The following ERICH1 variants were observed in gnomAD, a reference collection of about 807,000 sequenced individuals.
ERICH1 encodes glutamate-rich protein 1.
Under a neutral mutation model 39.6 loss-of-function variants are expected in ERICH1, and 56 were observed. The observed-to-expected ratio is 1.41, with a 90% CI of 1.14 to 1.77. The LOEUF (loss-of-function observed/expected upper bound fraction) is 1.77, where lower values mean the gene tolerates loss of function less well. Ranked by LOEUF, ERICH1 falls within the 40% of genes most tolerant of loss-of-function variation. ERICH1 has a pLI of 0.00. For missense variants in ERICH1, 826 were observed against 575.4 expected, an observed-to-expected ratio of 1.44 and a Z score of -4.45; for synonymous variants, 313 against 223.6, an observed-to-expected ratio of 1.40 and a Z score of -3.57.
chr8:654,420 A>AG (rs1485951015), intron 3 of ERICH1, among the ~76,000 whole-genome samples: 1 of 151,808 alleles, frequency 6.6e-6, no homozygotes, highest in African/African-American at 2.4e-5. Flanking sequence ...GGCCTCCTCG[A>AG]GGGGCTACGG....
chr8:616,180 C>A, intron 3 of ERICH1: 2 of 214,250 alleles, frequency 9.3e-6, no homozygotes, highest in East Asian at 1.3e-4. Flanking sequence ...AAGGGTACAC[C>A]TTAAAGAAAT....
At chr8:628,302 C>T (rs1001613388) in intron 3 of ERICH1, among the ~76,000 whole-genome samples, 1 of 152,232 alleles carries the variant, frequency 6.6e-6, no homozygotes, top group African/African-American at 2.4e-5. Context: ...TGTGGGTGGA[C>T]CTGCATCCCA....
At chr8:729,967 T>A (rs1245219924) in intron 1 of ERICH1, among the ~76,000 whole-genome samples, 1 of 152,108 alleles carries the variant, frequency 6.6e-6, no homozygotes, top group Non-Finnish European at 1.5e-5. Flanking sequence ...AAACCTGCAG[T>A]AGCAAGAAGC....
At position 676,743 on chromosome 8, in the gene ERICH1, C is replaced by T. The variant is rs566996051; in HGVS notation, c.305-2696G>A. ...TGTGCCACGGCCGGCACACGGCTCC[C>T]GGGTGTTGCCCGAGCAGACCTAGAA... On this transcript the variant is annotated intron_variant, in intron 3 of 5. Transcript: ENST00000262109. Among the ~76,000 whole-genome samples the T allele has an allele frequency of 1.4e-4, 21 of 152,360 alleles. No homozygotes were observed. The South Asian group carries it at 4.1e-3, about 30-fold the overall frequency.
At chr8:721,051 G>A (rs1442619900) in intron 1 of ERICH1, among the ~76,000 whole-genome samples, 3 of 152,194 alleles carry the variant, frequency 2.0e-5, no homozygotes, top group Non-Finnish European at 4.4e-5. Flanking sequence ...AAAGTGTCCT[G>A]TAAACAGGCA....
At chr8:680,454 A>T (rs1282303783) in intron 3 of ERICH1, among the ~76,000 whole-genome samples, 1 of 151,262 alleles carries the variant, frequency 6.6e-6, no homozygotes, top group African/African-American at 2.4e-5. Flanking sequence ...AGAAAGTCCA[A>T]GAGAATACAC....
At chr8:621,554 G>C (rs1455665709) in intron 3 of ERICH1, among the ~76,000 whole-genome samples, 2 of 151,430 alleles carry the variant, frequency 1.3e-5, no homozygotes, top group East Asian at 3.9e-4. Context: ...AGATAGAGAA[G>C]AGCAAACTAA....
At chr8:642,133 C>T (rs1799063448) in intron 3 of ERICH1, among the ~76,000 whole-genome samples, 2 of 152,146 alleles carry the variant, frequency 1.3e-5, no homozygotes, top group African/African-American at 2.4e-5. Context: ...GGGGCGTGTG[C>T]AGATTCTTCA....
intron 3 of ERICH1, among the ~76,000 whole-genome samples, chr8:620,847 A>G (rs1797237228): frequency 6.6e-6 from 1 of 152,214 alleles, no homozygotes; most frequent in Non-Finnish European, 1.5e-5. Context: ...AGACTTCAAT[A>G]CCCCACTTTT....
chr8:628,537 G>A (rs1269155489), intron 3 of ERICH1, among the ~76,000 whole-genome samples: 1 of 152,242 alleles, frequency 6.6e-6, no homozygotes, highest in Non-Finnish European at 1.5e-5. Flanking sequence ...GTGACCCCAA[G>A]GGGCTGGGAG....
At chr8:628,343 G>A (rs955563766) in intron 3 of ERICH1, among the ~76,000 whole-genome samples, 1 of 152,208 alleles carries the variant, frequency 6.6e-6, no homozygotes, top group African/African-American at 2.4e-5. Flanking sequence ...TACTTTACTG[G>A]GAGTTTCTCT....
intron 3 of ERICH1, among the ~76,000 whole-genome samples, chr8:629,579 G>T (rs6985262): frequency 0.026 from 2,220 of 85,554 alleles, 87 homozygotes; most frequent in African/African-American, 0.091. Flanking sequence ...CACACCCGCC[G>T]GTGACCACCC....
chr8:630,432 C>G (rs1455242036), intron 3 of ERICH1, among the ~76,000 whole-genome samples: 1 of 140,330 alleles, frequency 7.1e-6, no homozygotes, highest in African/African-American at 2.7e-5. Flanking sequence ...CCCACACAGA[C>G]AGAGATGACT....
intron 3 of ERICH1, among the ~76,000 whole-genome samples, chr8:618,465 G>GCTTGGTCTGTCCTCACTGCC (rs1405774777): frequency 6.6e-6 from 1 of 152,168 alleles, no homozygotes; most frequent in Non-Finnish European, 1.5e-5. Flanking sequence ...CCCTGTAAGT[G>GCTTGGTCTGTCCTCACTGCC]CTTGGTGCTT....
chr8:630,848 CCACTCAGA>C (rs1797973477), intron 3 of ERICH1, among the ~76,000 whole-genome samples: 1 of 146,744 alleles, frequency 6.8e-6, no homozygotes, highest in African/African-American at 2.5e-5. Context: ...CCGTGACCAC[CCACTCAGA>C]CAGAGCTGAC....
intron 3 of ERICH1, among the ~76,000 whole-genome samples, chr8:622,347 T>C (rs1333033203): frequency 6.6e-6 from 1 of 152,112 alleles, no homozygotes; most frequent in Non-Finnish European, 1.5e-5. Flanking sequence ...CTTTGGAGAG[T>C]GACTAGGTCA....
Position 728,576 on chromosome 8 carries a change from G to GA in ERICH1, c.22+2563dup, listed in dbSNP as rs1022181852. Among the ~76,000 whole-genome samples, 5 of 152,158 alleles carry GA rather than the reference G, an allele frequency of 3.3e-5. 1 individual carries two copies. The highest frequency in any genetic ancestry group is 5.9e-5 in the Non-Finnish European group (4 of 68,040). ...CTATATGCCAGAAACAGCCCGACCTGAGCTAGCACTTAATTACATGCCAGA... is the reference window on the plus strand; with the variant it reads ...CTATATGCCAGAAACAGCCCGACCTGAAGCTAGCACTTAATTACATGCCAGA... On this transcript the variant is annotated intron_variant, in intron 1 of 5. Transcript: ENST00000262109.
At chr8:621,479 T>C (rs57896286) in intron 3 of ERICH1, among the ~76,000 whole-genome samples, 9,033 of 151,914 alleles carry the variant, frequency 0.059, 376 homozygotes, top group Non-Finnish European at 0.076. Context: ...GTAATTTTTG[T>C]CAACTATATG....
At chr8:682,483 T>C (rs926560715) in intron 3 of ERICH1, among the ~76,000 whole-genome samples, 1 of 152,176 alleles carries the variant, frequency 6.6e-6, no homozygotes, top group Non-Finnish European at 1.5e-5. Flanking sequence ...ACCCTCCATA[T>C]GACTTTTCAG....
Sources: gnomAD v4.1 joint callset for allele counts (sites outside exome capture counted in the v4.1 genomes callset) on GRCh38, gnomAD v4.1.1 for gene constraint, MANE v1.5 for transcripts, NCBI Gene and HGNC (gene_info 2026-07-23, HGNC 2026-07-21) for gene names.